MEIS2: variants seen among roughly 807,000 people sequenced by gnomAD.
MEIS2 encodes the protein homeobox protein Meis2.
A neutral mutation model predicts 58.6 loss-of-function variants in MEIS2; 9 were observed. The ratio of observed to expected loss-of-function variants is 0.15; its 90% CI spans 0.09 to 0.27. The LOEUF is 0.27. Among genes scored for constraint, MEIS2 ranks in the 10% least tolerant of loss-of-function variants. The pLI, the probability that MEIS2 is intolerant of heterozygous loss-of-function variation, is 1.00. For missense variants in MEIS2, 427 were observed against 635.0 expected (o/e 0.67, Z 3.52); for synonymous variants, 221 against 228.4 (o/e 0.97, Z 0.29).
intron 7 of MEIS2, among the ~76,000 whole-genome samples, chr15:37,060,075 G>A (rs1464129453): frequency 6.6e-6 from 1 of 152,002 alleles, no homozygotes; most frequent in South Asian, 2.1e-4. Flanking sequence ...AGTAACTAGG[G>A]CTACAGGTGC....
At chr15:37,039,924 A>G (rs2062344851) in intron 7 of MEIS2, among the ~76,000 whole-genome samples, 1 of 152,238 alleles carries the variant, frequency 6.6e-6, no homozygotes, top group African/African-American at 2.4e-5. Flanking sequence ...CTGTGGACCA[A>G]ATCCAGCACA....
At chr15:37,055,150 C>T (rs2063085766) in intron 7 of MEIS2, among the ~76,000 whole-genome samples, 1 of 152,168 alleles carries the variant, frequency 6.6e-6, no homozygotes, top group Non-Finnish European at 1.5e-5. Context: ...GCTCAGAGTC[C>T]ATCTGTCCAG....
At chr15:37,060,187 C>T (rs1448391557) in intron 7 of MEIS2, among the ~76,000 whole-genome samples, 2 of 152,126 alleles carry the variant, frequency 1.3e-5, no homozygotes, top group Non-Finnish European at 2.9e-5. Context: ...GTGATTCTCC[C>T]ATCTCAGCCT....
At chr15:36,933,995 T>G (rs2058073459) in intron 9 of MEIS2, among the ~76,000 whole-genome samples, 1 of 152,226 alleles carries the variant, frequency 6.6e-6, no homozygotes, top group Admixed American at 6.5e-5. Context: ...TAATAAAATA[T>G]TTGTCAGCTA....
At chr15:37,022,148 A>T (rs1444116683) in intron 8 of MEIS2, among the ~76,000 whole-genome samples, 2 of 152,120 alleles carry the variant, frequency 1.3e-5, no homozygotes, top group African/African-American at 4.8e-5. Flanking sequence ...TAGATCAAAG[A>T]AGAGAAAATT....
At chr15:37,049,780 G>C (rs1568677) in intron 7 of MEIS2, among the ~76,000 whole-genome samples, 141,593 of 151,074 alleles carry the variant, frequency 0.94, 67,013 homozygotes, top group East Asian at 1. Context: ...AGCCACCGCA[G>C]CTGGCCTTTT....
At chr15:36,947,573 GA>G (rs1771519231) in intron 9 of MEIS2, among the ~76,000 whole-genome samples, 1 of 151,976 alleles carries the variant, frequency 6.6e-6, no homozygotes. Flanking sequence ...AGCAGAACCA[GA>G]ACCGCAAGTC....
At chr15:36,981,615 G>C (rs1195956333) in intron 8 of MEIS2, among the ~76,000 whole-genome samples, 1 of 152,056 alleles carries the variant, frequency 6.6e-6, no homozygotes, top group Non-Finnish European at 1.5e-5. Flanking sequence ...CATGCATGGT[G>C]AGAACATTTA....
chr15:37,000,587 A>G (rs912987121), intron 8 of MEIS2, among the ~76,000 whole-genome samples: 1 of 151,964 alleles, frequency 6.6e-6, no homozygotes, highest in African/African-American at 2.4e-5. Context: ...TCGTATCGCT[A>G]ATTGTATTTA....
intron 9 of MEIS2, among the ~76,000 whole-genome samples, chr15:36,945,800 T>C (rs2058544662): frequency 6.6e-6 from 1 of 151,986 alleles, no homozygotes; most frequent in South Asian, 2.1e-4. Context: ...ACAAAGGAAC[T>C]CTCTGAACCA....
At chr15:36,929,639 C>A (rs780997116) in intron 9 of MEIS2, among the ~76,000 whole-genome samples, 1 of 152,126 alleles carries the variant, frequency 6.6e-6, no homozygotes, top group African/African-American at 2.4e-5. Flanking sequence ...GCAGAGGGTC[C>A]GCTTTGTCCC....
chr15:37,027,889 C>A (rs1215110534), intron 8 of MEIS2, among the ~76,000 whole-genome samples: 1 of 152,068 alleles, frequency 6.6e-6, no homozygotes, highest in Non-Finnish European at 1.5e-5. Flanking sequence ...TTATCAACAC[C>A]CCCTACCGGA....
chr15:36,942,794 T>C (rs927512624), intron 9 of MEIS2, among the ~76,000 whole-genome samples: 7 of 152,074 alleles, frequency 4.6e-5, no homozygotes, highest in Admixed American at 2.0e-4. Context: ...GGCACCACCA[T>C]AGTAAAAAGG....
chr15:36,916,210 G>C (rs1595715837), intron 9 of MEIS2, among the ~76,000 whole-genome samples: 1 of 151,614 alleles, frequency 6.6e-6, no homozygotes, highest in Non-Finnish European at 1.5e-5. Flanking sequence ...TGTGGATCAC[G>C]AGGTCAGGAG....
chr15:37,086,451 A>G (rs1892896377), intron 6 of MEIS2, among the ~76,000 whole-genome samples: 1 of 152,258 alleles, frequency 6.6e-6, no homozygotes, highest in Non-Finnish European at 1.5e-5. Context: ...AATAAGCCAC[A>G]GAAGCAAATA....
rs1298746932 is a variant in MEIS2 at position 36,938,230 on chromosome 15, G to T, written c.977+12094C>A. ...TTCTGGATGAGCTCATCTGCTCCCAGGACTGCAATAACATCTATACCCTCA... is the reference window on the plus strand; with the variant it reads ...TTCTGGATGAGCTCATCTGCTCCCATGACTGCAATAACATCTATACCCTCA... On this transcript the variant is annotated intron_variant, in intron 9 of 11. Transcript: ENST00000561208. Among the ~76,000 whole-genome samples, 8 of 151,984 alleles carry T rather than the reference G, an allele frequency of 5.3e-5. No individual in the cohort carries two copies. The East Asian group carries it at 5.8e-4, about 11-fold the overall frequency.
intron 7 of MEIS2, among the ~76,000 whole-genome samples, chr15:37,048,119 C>CA (rs1268900066): frequency 6.6e-6 from 1 of 151,968 alleles, no homozygotes; most frequent in East Asian, 1.9e-4. Context: ...TTTATATTTG[C>CA]AAAAAGAATT....
intron 9 of MEIS2, among the ~76,000 whole-genome samples, chr15:36,907,009 A>G (rs1175074787): frequency 1.3e-5 from 2 of 152,216 alleles, no homozygotes; most frequent in Non-Finnish European, 2.9e-5. Flanking sequence ...TACATGTTAC[A>G]CTGGGTGTTG....
chr15:37,095,641 A>G, intron 3 of MEIS2, 27 bp from the exon 4 acceptor site: 1 of 1,614,184 alleles, frequency 6.2e-7, no homozygotes, highest in Non-Finnish European at 8.5e-7. Context: ...GTCAACTTGA[A>G]CGATCACCCC....
Sources: gnomAD v4.1 joint callset for allele counts (sites outside exome capture counted in the v4.1 genomes callset) on GRCh38, gnomAD v4.1.1 for gene constraint, MANE v1.5 for transcripts, NCBI Gene and HGNC (gene_info 2026-07-23, HGNC 2026-07-21) for gene names.